Variants in DENND1A observed in about 807,000 individuals in gnomAD.
The protein encoded by DENND1A is DENN domain-containing protein 1A.
Under a neutral mutation model 113.7 loss-of-function variants are expected in DENND1A, and 51 were observed. The observed-to-expected ratio is 0.45, with a 90% CI of 0.36 to 0.57. The LOEUF is 0.57. DENND1A is among the 20% of genes least tolerant of loss of function. The pLI is 0.00. For missense variants in DENND1A, 1,258 were observed against 1,395.9 expected, an observed-to-expected ratio of 0.90 and a Z score of 1.57; for synonymous variants, 565 against 570.8, an observed-to-expected ratio of 0.99 and a Z score of 0.14.
intron 5 of DENND1A, among the ~76,000 whole-genome samples, chr9:123,732,033 A>G (rs1190062517): frequency 6.6e-6 from 1 of 152,238 alleles, no homozygotes; most frequent in Non-Finnish European, 1.5e-5. Flanking sequence ...ACACACATAG[A>G]ATAGCTAAAA....
chr9:123,386,652 G>T (rs1356934156), intron 22 of DENND1A, among the ~76,000 whole-genome samples: 1 of 152,182 alleles, frequency 6.6e-6, no homozygotes, highest in Non-Finnish European at 1.5e-5. Flanking sequence ...CCAAAGTGCT[G>T]GGATTACAGG....
intron 11 of DENND1A, among the ~76,000 whole-genome samples, chr9:123,596,926 T>C (rs766099417): frequency 6.6e-6 from 1 of 152,210 alleles, no homozygotes; most frequent in Admixed American, 6.5e-5. Context: ...ACAGATGCAT[T>C]ATGAAAATTA....
intron 8 of DENND1A, among the ~76,000 whole-genome samples, chr9:123,664,251 G>A (rs2063388800): frequency 6.6e-6 from 1 of 152,136 alleles, no homozygotes; most frequent in Non-Finnish European, 1.5e-5. Flanking sequence ...GATGGAGATT[G>A]AAATAGAGCT....
chr9:123,704,749 A>T (rs1045918728), intron 5 of DENND1A, among the ~76,000 whole-genome samples: 1 of 152,110 alleles, frequency 6.6e-6, no homozygotes, highest in Non-Finnish European at 1.5e-5. Context: ...AATGGTGGGG[A>T]AAAAAAGACT....
intron 19 of DENND1A, among the ~76,000 whole-genome samples, chr9:123,439,518 C>T (rs140090722): frequency 4.1e-4 from 62 of 152,292 alleles, no homozygotes; most frequent in African/African-American, 1.3e-3. Flanking sequence ...GGTGAAATAG[C>T]AATCACATTT....
intron 2 of DENND1A, among the ~76,000 whole-genome samples, chr9:123,876,619 A>T (rs1002092723): frequency 6.6e-6 from 1 of 152,230 alleles, no homozygotes; most frequent in African/African-American, 2.4e-5. Context: ...GCAGCAAAAT[A>T]ATAACAATTG....
At chr9:123,471,120 G>C (rs1269987310) in intron 13 of DENND1A, among the ~76,000 whole-genome samples, 1 of 152,196 alleles carries the variant, frequency 6.6e-6, no homozygotes. Flanking sequence ...TATAGAAAAG[G>C]CTTTTCTTTA....
At chr9:123,782,338 A>G (rs1730994179) in intron 3 of DENND1A, among the ~76,000 whole-genome samples, 1 of 152,210 alleles carries the variant, frequency 6.6e-6, no homozygotes, top group South Asian at 2.1e-4. Flanking sequence ...TCTGATATAC[A>G]CTCAAATATG....
intron 5 of DENND1A, among the ~76,000 whole-genome samples, chr9:123,691,898 T>G (rs140577676): frequency 6.6e-6 from 1 of 152,180 alleles, no homozygotes; most frequent in Non-Finnish European, 1.5e-5. Context: ...GATTTGACTC[T>G]GGGAGAAGAG....
chr9:123,726,421 C>T (rs1336952766), intron 5 of DENND1A, among the ~76,000 whole-genome samples: 1 of 152,202 alleles, frequency 6.6e-6, no homozygotes, highest in Non-Finnish European at 1.5e-5. Flanking sequence ...CTCTCCCTAT[C>T]ACACGAACAT....
chr9:123,674,352 A>T lies in DENND1A; in HGVS notation c.372+2368T>A, dbSNP rs975328751. Among the ~76,000 whole-genome samples, 662 of 101,716 alleles carry T rather than the reference A, an allele frequency of 6.5e-3. 3 individuals are homozygous for T. Among genetic ancestry groups the T allele is most frequent in the African/African-American group, 0.019 (384 of 20,384 alleles). The allele number at this position is 101,716 out of a possible 152,430, so 66.7% of individuals were successfully genotyped here. A position where few individuals can be genotyped will look rare whatever the true frequency, so the allele number is the denominator to read the frequency against. On this transcript the variant is annotated intron_variant, in intron 6 of 23. Transcript: ENST00000394215. ...GTCTCTGTCTCTCTCTCACACACAC[A>T]CACACACACACACACACACACACAC...
chr9:123,492,515 T>C (rs2134002301), intron 13 of DENND1A: 1 of 152,410 alleles, frequency 6.6e-6, no homozygotes, highest in Non-Finnish European at 1.5e-5. Flanking sequence ...ATGGGCCAGG[T>C]TGTGAAGGTC....
intron 8 of DENND1A, among the ~76,000 whole-genome samples, chr9:123,653,900 A>T (rs1247168407): frequency 1.7e-5 from 2 of 114,558 alleles, no homozygotes; most frequent in South Asian, 3.2e-4. Context: ...GATGAGAAAT[A>T]AAAAAAAAAA....
chr9:123,689,508 G>A (rs529426414), intron 5 of DENND1A, among the ~76,000 whole-genome samples: 1 of 152,236 alleles, frequency 6.6e-6, no homozygotes, highest in South Asian at 2.1e-4. Flanking sequence ...TATTTTAAAT[G>A]ATAGTTCTTT....
intron 2 of DENND1A, among the ~76,000 whole-genome samples, chr9:123,821,431 G>A (rs1037465735): frequency 4.6e-5 from 7 of 152,072 alleles, no homozygotes; most frequent in East Asian, 1.9e-4. Flanking sequence ...CTAAGAATAC[G>A]ACAGCATCTA....
intron 13 of DENND1A, among the ~76,000 whole-genome samples, chr9:123,509,683 A>G (rs1183750173): frequency 6.6e-6 from 1 of 152,220 alleles, no homozygotes; most frequent in Non-Finnish European, 1.5e-5. Context: ...CCAATTCTCC[A>G]GCTCCAGGCC....
chr9:123,852,050 G>A (rs1187856078), intron 2 of DENND1A, among the ~76,000 whole-genome samples: 2 of 152,176 alleles, frequency 1.3e-5, no homozygotes, highest in Admixed American at 6.5e-5. Context: ...AGTGCTATGT[G>A]CTCCAACGTG....
intron 12 of DENND1A, among the ~76,000 whole-genome samples, chr9:123,573,844 C>T (rs1050860511): frequency 4.6e-5 from 7 of 151,794 alleles, no homozygotes; most frequent in African/African-American, 1.2e-4. Context: ...CTTTCATTCT[C>T]GGGGGAAAGA....
At chr9:123,917,214 C>T (rs1855318190) in intron 1 of DENND1A, among the ~76,000 whole-genome samples, 1 of 151,972 alleles carries the variant, frequency 6.6e-6, no homozygotes, top group Admixed American at 6.6e-5. Flanking sequence ...CAACAAAAAA[C>T]TAACTTTGTA....
Sources: gnomAD v4.1 joint callset for allele counts (sites outside exome capture counted in the v4.1 genomes callset) on GRCh38, gnomAD v4.1.1 for gene constraint, MANE v1.5 for transcripts, NCBI Gene and HGNC (gene_info 2026-07-23, HGNC 2026-07-21) for gene names.